The following MACROD2 variants were observed in gnomAD, a reference collection of about 807,000 sequenced individuals.
MACROD2 encodes the protein mono-ADP ribosylhydrolase 2, also known as ADP-ribose glycohydrolase MACROD2.
Under a neutral mutation model 70.4 loss-of-function variants are expected in MACROD2, and 36 were observed. The observed-to-expected ratio is 0.51, with a 90% CI of 0.39 to 0.68. MACROD2 has a LOEUF of 0.68. Ranked by LOEUF, MACROD2 falls within the 30% of genes least tolerant of loss-of-function variation. MACROD2 has a pLI of 0.00. For missense variants in MACROD2, 496 were observed against 538.4 expected, an observed-to-expected ratio of 0.92 and a Z score of 0.78; for synonymous variants, 172 against 178.8, an observed-to-expected ratio of 0.96 and a Z score of 0.30.
chr20:14,229,558 T>A (rs1407896124), intron 3 of MACROD2, among the ~76,000 whole-genome samples: 1 of 152,220 alleles, frequency 6.6e-6, no homozygotes, highest in Non-Finnish European at 1.5e-5. Context: ...CTGATAACAT[T>A]GAATGCTGAC....
rs562210166 is a variant in MACROD2, at chr20:15,074,047, C to G, written c.419-155893C>G. On this transcript the variant is annotated intron_variant, in intron 5 of 17. Coordinates refer to ENST00000684519, the MANE Select transcript of MACROD2 (RefSeq NM_001351661.2). ...AATGCAATCAATAGCCAAAATCCAA[C>G]GTATTCCAGTGATTGAAGTTTATTT... is the stretch of plus-strand genomic sequence containing the variant. Among the ~76,000 whole-genome samples, 8 of 152,284 alleles carry G rather than the reference C, an allele frequency of 5.3e-5. No individual in the cohort carries two copies. The South Asian group carries it at 1.7e-3, about 32-fold the overall frequency.
chr20:15,161,777 G>C (rs448155), intron 5 of MACROD2, among the ~76,000 whole-genome samples: 51,785 of 151,758 alleles, frequency 0.34, 9,593 homozygotes, highest in East Asian at 0.55. Flanking sequence ...TAATTTCTAC[G>C]TAGATGCAGA....
At chr20:15,273,349 C>T (rs1337860541) in intron 6 of MACROD2, among the ~76,000 whole-genome samples, 1 of 151,976 alleles carries the variant, frequency 6.6e-6, no homozygotes, top group South Asian at 2.1e-4. Context: ...GCTCTCCTTG[C>T]TCCTTGGCTT....
chr20:14,683,256 A>G (rs566333372), intron 4 of MACROD2, among the ~76,000 whole-genome samples: 14 of 152,314 alleles, frequency 9.2e-5, no homozygotes, highest in South Asian at 2.1e-4. Flanking sequence ...TAAGATAACT[A>G]CCACCAAAGG....
At chr20:14,102,215 G>A (rs190599807) in intron 3 of MACROD2, among the ~76,000 whole-genome samples, 86 of 151,774 alleles carry the variant, frequency 5.7e-4, no homozygotes, top group African/African-American at 1.9e-3. Flanking sequence ...TGATAACCAG[G>A]ATGGTCTCAA....
intron 3 of MACROD2, among the ~76,000 whole-genome samples, chr20:14,392,355 G>A (rs1041758067): frequency 3.3e-5 from 5 of 151,632 alleles, no homozygotes; most frequent in African/African-American, 4.8e-5. Flanking sequence ...TCACTTGTAT[G>A]TGTAAATATA....
intron 5 of MACROD2, among the ~76,000 whole-genome samples, chr20:14,940,926 A>C (rs2074384320): frequency 7.0e-6 from 1 of 142,196 alleles, no homozygotes; most frequent in Admixed American, 6.8e-5. Context: ...GTTTGGATAT[A>C]TTCCCTCTTC....
chr20:14,321,900 A>G (rs1421499082), intron 3 of MACROD2, among the ~76,000 whole-genome samples: 3 of 152,108 alleles, frequency 2.0e-5, no homozygotes. Context: ...AAATGGCTGC[A>G]TCTAAAAACA....
chr20:14,782,602 T>C (rs1157907916), intron 5 of MACROD2, among the ~76,000 whole-genome samples: 2 of 152,118 alleles, frequency 1.3e-5, no homozygotes, highest in Non-Finnish European at 2.9e-5. Context: ...AATGCAGATA[T>C]GAAAAGGCCA....
chr20:14,566,474 G>A (rs1331545680), intron 4 of MACROD2: 1 of 151,914 alleles, frequency 6.6e-6, no homozygotes, highest in Non-Finnish European at 1.5e-5. Flanking sequence ...AAAGTTATGT[G>A]TTTGTCTTTT....
chr20:15,087,472 A>G (rs2075757425), intron 5 of MACROD2, among the ~76,000 whole-genome samples: 1 of 152,082 alleles, frequency 6.6e-6, no homozygotes, highest in Non-Finnish European at 1.5e-5. Flanking sequence ...AACTGTGGTA[A>G]GAATGTTTTA....
intron 2 of MACROD2, among the ~76,000 whole-genome samples, chr20:14,054,990 A>T (rs2053615441): frequency 6.6e-6 from 1 of 152,178 alleles, no homozygotes; most frequent in South Asian, 2.1e-4. Flanking sequence ...TGTTAATATT[A>T]GTATGTTGAC....
At chr20:14,536,296 T>C (rs1214915843) in intron 4 of MACROD2, among the ~76,000 whole-genome samples, 5 of 152,188 alleles carry the variant, frequency 3.3e-5, no homozygotes, top group Non-Finnish European at 5.9e-5. Flanking sequence ...TAGCCAACAC[T>C]TTGAACTTTT....
chr20:15,834,496 C>T (rs1211999541), intron 8 of MACROD2, among the ~76,000 whole-genome samples: 2 of 152,140 alleles, frequency 1.3e-5, no homozygotes, highest in Non-Finnish European at 2.9e-5. Context: ...TTATCCGTTG[C>T]CCCGGTTAGA....
chr20:15,705,539 C>T (rs1481691206), intron 8 of MACROD2, among the ~76,000 whole-genome samples: 1 of 152,070 alleles, frequency 6.6e-6, no homozygotes, highest in East Asian at 1.9e-4. Context: ...CCTGCCTCGG[C>T]CTCCCCAGTA....
intron 6 of MACROD2, among the ~76,000 whole-genome samples, chr20:15,410,693 G>A (rs2046065767): frequency 6.6e-6 from 1 of 151,842 alleles, no homozygotes; most frequent in Non-Finnish European, 1.5e-5. Context: ...TGAGGAAGTA[G>A]CCACAAAATA....
intron 3 of MACROD2, among the ~76,000 whole-genome samples, chr20:14,233,628 C>T (rs1367736322): frequency 7.3e-6 from 1 of 137,136 alleles, no homozygotes; most frequent in Non-Finnish European, 1.5e-5. Flanking sequence ...ACCCGGGAGG[C>T]AGAGCTTGCA....
intron 5 of MACROD2, among the ~76,000 whole-genome samples, chr20:14,900,562 TA>T (rs201294147): frequency 0.16 from 24,081 of 150,984 alleles, 2,123 homozygotes; most frequent in East Asian, 0.22. Flanking sequence ...AGATTTTTTT[TA>T]AATTTCTTCT....
intron 8 of MACROD2, among the ~76,000 whole-genome samples, chr20:15,594,794 T>C (rs1463282089): frequency 6.6e-6 from 1 of 152,254 alleles, no homozygotes; most frequent in Non-Finnish European, 1.5e-5. Context: ...TACCTTTTCT[T>C]CTTTTAAGTT....
Sources: allele counts gnomAD v4.1 joint callset (sites outside exome capture counted in the v4.1 genomes callset), GRCh38; gene constraint gnomAD v4.1.1; transcripts MANE v1.5; gene names NCBI Gene and HGNC (gene_info 2026-07-23, HGNC 2026-07-21).